ZHX3: variants seen among roughly 807,000 people sequenced by gnomAD.
ZHX3 encodes the protein zinc fingers and homeoboxes 3, also known as zinc fingers and homeoboxes protein 3.
Under a neutral mutation model 64.5 loss-of-function variants are expected in ZHX3, and 20 were observed. That is an observed-to-expected ratio of 0.31 (90% CI 0.22 to 0.45). ZHX3 has a LOEUF of 0.45. Ranked by LOEUF, ZHX3 falls within the 20% of genes least tolerant of loss-of-function variation. The pLI, the probability that ZHX3 is intolerant of heterozygous loss-of-function variation, is 1.00. For synonymous variants in ZHX3, 423 were observed against 461.6 expected, an observed-to-expected ratio of 0.92 and a Z score of 1.07; for missense variants, 1,041 against 1,195.8, an observed-to-expected ratio of 0.87 and a Z score of 1.91.
At chr20:41,196,092 A>G (rs1481082857) in intron 3 of ZHX3, among the ~76,000 whole-genome samples, 2 of 150,742 alleles carry the variant, frequency 1.3e-5, no homozygotes, top group Non-Finnish European at 2.9e-5. Context: ...GCTTATGTCT[A>G]TTTGGTCTAA....
At chr20:41,256,616 C>T (rs573938074) in intron 2 of ZHX3, among the ~76,000 whole-genome samples, 16 of 149,398 alleles carry the variant, frequency 1.1e-4, no homozygotes, top group African/African-American at 2.5e-4. Context: ...AGAGCCCCTT[C>T]GGAGGTTTTC....
At position 41,179,503 on chromosome 20, in the gene ZHX3, A is replaced by AC. The variant is rs11477673; in HGVS notation, c.*5687dup. 1 of 152,274 alleles carries AC rather than the reference A, an allele frequency of 6.6e-6. No homozygotes were observed. The highest frequency in any genetic ancestry group is 1.5e-5 in the Non-Finnish European group (1 of 68,024). 9.4% of individuals were successfully genotyped at this position (152,274 alleles called of 1,614,324 possible). On this transcript the variant is annotated 3_prime_UTR_variant, in exon 4 of 4. Coordinates refer to ENST00000683867, the MANE Select transcript of ZHX3 (RefSeq NM_001384317.1). This position sits in a 1 kb window ranked among gnomAD's most constrained non-coding sequence, Gnocchi z 4.3. ...TAAACAAATTACAGGATTCATAGGT[A>AC]CCATGTAGATTTTTCTTTTAAATGT...
At chr20:41,218,213 G>C (rs1019638751) in intron 2 of ZHX3, among the ~76,000 whole-genome samples, 1 of 151,480 alleles carries the variant, frequency 6.6e-6, no homozygotes, top group Non-Finnish European at 1.5e-5. Flanking sequence ...GGAGGCCAAG[G>C]AGACAGGATT....
chr20:41,301,806 G>T (rs2044818557), intron 1 of ZHX3, among the ~76,000 whole-genome samples: 1 of 152,060 alleles, frequency 6.6e-6, no homozygotes, highest in African/African-American at 2.4e-5. Context: ...TGTAATCCCA[G>T]CACTTTGGGA....
At chr20:41,216,544 C>CTG (rs1319753089) in intron 2 of ZHX3, among the ~76,000 whole-genome samples, 1 of 152,114 alleles carries the variant, frequency 6.6e-6, no homozygotes, top group Non-Finnish European at 1.5e-5. Flanking sequence ...TCCATGTCAC[C>CTG]ATCTCTAGTT....
intron 2 of ZHX3, among the ~76,000 whole-genome samples, chr20:41,207,389 A>C (rs2038804166): frequency 1.3e-5 from 2 of 152,220 alleles, no homozygotes; most frequent in African/African-American, 4.8e-5. Flanking sequence ...AACAGAATAT[A>C]CATTTGTCTC....
At chr20:41,315,860 TTTTTG>T (rs917360399) in intron 1 of ZHX3, among the ~76,000 whole-genome samples, 2 of 152,158 alleles carry the variant, frequency 1.3e-5, no homozygotes, top group East Asian at 1.9e-4. Context: ...TATGGGGTTT[TTTTTG>T]TTTTGTTTTG....
At position 41,278,587 on chromosome 20, in the gene ZHX3, G is replaced by A. The variant is rs898404348; in HGVS notation, c.-244-9504C>T. Among the ~76,000 whole-genome samples, 9 of 140,386 alleles carry A rather than the reference G, an allele frequency of 6.4e-5. 3 individuals carry two copies. The highest frequency in any genetic ancestry group is 2.4e-4 in the African/African-American group (9 of 37,262). The allele number at this position is 140,386 out of a possible 152,430, so 92.1% of individuals were successfully genotyped here. A position where few individuals can be genotyped will look rare whatever the true frequency, so the allele number is the denominator to read the frequency against. ...GGTTAAATCTTTTCATGTGATTAGCGGCCATTCATATTTCTTTGTGGAACA... is the reference window on the plus strand; with the variant it reads ...GGTTAAATCTTTTCATGTGATTAGCAGCCATTCATATTTCTTTGTGGAACA... On this transcript the variant is annotated intron_variant, in intron 1 of 3. Transcript: ENST00000683867.
At chr20:41,198,155 G>A (rs1274713153) in intron 3 of ZHX3, among the ~76,000 whole-genome samples, 4 of 151,724 alleles carry the variant, frequency 2.6e-5, no homozygotes, top group African/African-American at 9.7e-5. Context: ...GCACCACCAG[G>A]CCCAGCTAAG....
intron 1 of ZHX3, among the ~76,000 whole-genome samples, chr20:41,282,359 A>ATTTTTTTTTTTTTTTT (rs1442916638): frequency 1.6e-5 from 1 of 60,704 alleles, no homozygotes; most frequent in Non-Finnish European, 3.1e-5. Flanking sequence ...GACACAATTC[A>ATTTTTTTTTTTTTTTT]TCTTTTTTTT....
intron 2 of ZHX3, among the ~76,000 whole-genome samples, chr20:41,237,278 A>G (rs913658366): frequency 6.6e-6 from 1 of 152,242 alleles, no homozygotes; most frequent in African/African-American, 2.4e-5. Flanking sequence ...TACCCAAAGG[A>G]TTATAAAACA....
chr20:41,309,528 AG>A (rs1328679408), intron 1 of ZHX3, among the ~76,000 whole-genome samples: 1 of 152,194 alleles, frequency 6.6e-6, no homozygotes, highest in Non-Finnish European at 1.5e-5. Flanking sequence ...ACATGCCTCT[AG>A]TGCTGCCCTC....
At chr20:41,271,592 G>GA (rs2043151785) in intron 1 of ZHX3, among the ~76,000 whole-genome samples, 1 of 151,952 alleles carries the variant, frequency 6.6e-6, no homozygotes, top group African/African-American at 2.4e-5. Flanking sequence ...ATTTGCTGGA[G>GA]AAAAAAGTCT....
In ZHX3 at chr20:41,221,011, C is replaced by T. The variant is rs925250754; in HGVS notation, c.-150-15945G>A. 2.9e-4 allele frequency among the ~76,000 whole-genome samples: 44 copies of T among 152,104 alleles called. 1 individual carries two copies. The highest frequency in any genetic ancestry group is 1.6e-3 in the Admixed American group (24 of 15,256). ...CCGACACATTTTTCAATTGGAAAAA[C>T]GTGATTTTTTGGAAAAAAAGAATCA... On this transcript the variant is annotated intron_variant, in intron 2 of 3. Coordinates refer to ENST00000683867, the MANE Select transcript of ZHX3 (RefSeq NM_001384317.1).
In ZHX3 at chr20:41,232,242, C is replaced by T. The variant is rs1340948899; in HGVS notation, c.-150-27176G>A. On this transcript the variant is annotated intron_variant, in intron 2 of 3. Transcript: ENST00000683867. This position sits in a 1 kb window ranked among gnomAD's most constrained non-coding sequence, Gnocchi z 5.0. ...ACAGAGAATGATGACCAGATGGTCT[C>T]CATTTTCACCAGAGAAAGAATATTG... Among the ~76,000 whole-genome samples the T allele has an allele frequency of 6.6e-6, 1 of 151,964 alleles. No homozygotes were observed. The highest frequency in any genetic ancestry group is 2.1e-4 in the South Asian group (1 of 4,818).
chr20:41,294,419 C>A (rs1447925257), intron 1 of ZHX3, among the ~76,000 whole-genome samples: 4 of 152,014 alleles, frequency 2.6e-5, no homozygotes, highest in African/African-American at 9.7e-5. Flanking sequence ...TGAAGTACAG[C>A]GATATGATCT....
At chr20:41,187,456 T>C (rs2036616291) in intron 3 of ZHX3, among the ~76,000 whole-genome samples, 1 of 152,162 alleles carries the variant, frequency 6.6e-6, no homozygotes, top group East Asian at 1.9e-4. Context: ...TTTCTGTATA[T>C]AGTACAAGGT....
rs116639598 is a variant in ZHX3 at position 41,183,213 on chromosome 20, G to A, written c.*1978C>T. ...TATATATATATAAATTAATCTGCAC[G>A]TATATAAACACTAAAAGGAGAAATT... On this transcript the variant is annotated 3_prime_UTR_variant, in exon 4 of 4. Transcript: ENST00000683867. This position sits in a 1 kb window ranked among gnomAD's most constrained non-coding sequence, Gnocchi z 5.3. 244 of 152,236 alleles carry A rather than the reference G, an allele frequency of 1.6e-3. No individual in the cohort carries two copies. The highest frequency in any genetic ancestry group is 5.7e-3 in the African/African-American group (237 of 41,530). The allele number at this position is 152,236 out of a possible 1,614,324, so 9.4% of individuals were successfully genotyped here.
In ZHX3 at chr20:41,304,157, G is replaced by T. The variant is rs192840527; in HGVS notation, c.-245+13352C>A. 3.9e-5 allele frequency among the ~76,000 whole-genome samples: 6 copies of T among 152,168 alleles called. No individual in the cohort carries two copies. In the East Asian group the frequency reaches 1.2e-3, roughly 29 times the overall value. On this transcript the variant is annotated intron_variant, in intron 1 of 3. Coordinates refer to ENST00000683867, the MANE Select transcript of ZHX3 (RefSeq NM_001384317.1). ...TCTGTCTACTCCTACTTGGTTTCCAGTATAGTCTCCTCCCCTCTGCCTCCT... is the reference window on the plus strand; with the variant it reads ...TCTGTCTACTCCTACTTGGTTTCCATTATAGTCTCCTCCCCTCTGCCTCCT...
Sources: allele counts gnomAD v4.1 joint callset (sites outside exome capture counted in the v4.1 genomes callset), GRCh38; gene constraint gnomAD v4.1.1; non-coding constraint Gnocchi (gnomAD v3.1); transcripts MANE v1.5; gene names NCBI Gene and HGNC (gene_info 2026-07-23, HGNC 2026-07-21).